The following SUCLG2 variants were observed in gnomAD, a reference collection of about 807,000 sequenced individuals.
The protein encoded by SUCLG2 is succinate-CoA ligase GDP-forming subunit beta.
Under a neutral mutation model 47.9 loss-of-function variants are expected in SUCLG2, and 42 were observed. The ratio of observed to expected loss-of-function variants is 0.88; its 90% CI spans 0.69 to 1.14. SUCLG2 has a LOEUF of 1.14. Ranked by LOEUF, SUCLG2 falls within the 50% of genes most tolerant of loss-of-function variation. The pLI, the probability that SUCLG2 is intolerant of heterozygous loss-of-function variation, is 0.00. For synonymous variants in SUCLG2, 195 were observed against 197.3 expected, an observed-to-expected ratio of 0.99 and a Z score of 0.10; for missense variants, 571 against 525.9, an observed-to-expected ratio of 1.09 and a Z score of -0.84.
intron 2 of SUCLG2, among the ~76,000 whole-genome samples, chr3:67,601,798 A>G (rs990506481): frequency 2.0e-5 from 3 of 152,130 alleles, no homozygotes; most frequent in African/African-American, 7.2e-5. Context: ...CCTGGCCAAC[A>G]TGGCGAAACC....
At chr3:67,365,730 A>G (rs975286719) in intron 10 of SUCLG2, among the ~76,000 whole-genome samples, 1 of 152,232 alleles carries the variant, frequency 6.6e-6, no homozygotes, top group Non-Finnish European at 1.5e-5. Context: ...CTTACTGAGT[A>G]TGCAGGCAGT....
chr3:67,508,179 T>C (rs941355100), intron 7 of SUCLG2, among the ~76,000 whole-genome samples: 1 of 151,966 alleles, frequency 6.6e-6, no homozygotes, highest in Non-Finnish European at 1.5e-5. Flanking sequence ...AGAGTTCAAC[T>C]GGGGGGGACT....
At chr3:67,394,125 C>A (rs1270920885) in intron 10 of SUCLG2, among the ~76,000 whole-genome samples, 1 of 152,132 alleles carries the variant, frequency 6.6e-6, no homozygotes, top group Admixed American at 6.5e-5. Flanking sequence ...CTCTCCTCCT[C>A]CAAAGGAATG....
At chr3:67,440,565 G>A (rs538327350) in intron 9 of SUCLG2, among the ~76,000 whole-genome samples, 2 of 152,220 alleles carry the variant, frequency 1.3e-5, no homozygotes, top group East Asian at 1.9e-4. Context: ...AAAAGTGGGT[G>A]AAGGATATGA....
intron 10 of SUCLG2, among the ~76,000 whole-genome samples, chr3:67,398,564 C>G (rs1702606227): frequency 6.6e-6 from 1 of 151,906 alleles, no homozygotes; most frequent in African/African-American, 2.4e-5. Context: ...CACTTTTACA[C>G]TGTTGGTGGG....
At chr3:67,397,004 G>A (rs939993964) in intron 10 of SUCLG2, among the ~76,000 whole-genome samples, 8 of 151,512 alleles carry the variant, frequency 5.3e-5, no homozygotes, top group African/African-American at 1.5e-4. Flanking sequence ...AATAAATTAG[G>A]TATTGATGGG....
At chr3:67,498,029 A>T in intron 8 of SUCLG2, 105 bp downstream of exon 8, 1 of 1,251,138 alleles carries the variant, frequency 8.0e-7, no homozygotes, top group South Asian at 1.6e-5. Context: ...GCTACAAAAA[A>T]ACTTATGTGC....
chr3:67,578,632 C>A lies in SUCLG2; in HGVS notation c.226+30823G>T, dbSNP rs1214582025. ...ACCACGGCTGAACCGGAGATCACAG[C>A]TTTCCGGAAGCTTGGTTATGGGAGA... On this transcript the variant is annotated intron_variant, in intron 2 of 10. Transcript: ENST00000307227. 2.0e-5 allele frequency among the ~76,000 whole-genome samples: 3 copies of A among 152,094 alleles called. No homozygotes were observed. In the East Asian group the frequency reaches 5.8e-4, roughly 29 times the overall value.
chr3:67,563,265 T>C (rs1707355457), intron 2 of SUCLG2, among the ~76,000 whole-genome samples: 1 of 152,146 alleles, frequency 6.6e-6, no homozygotes, highest in Non-Finnish European at 1.5e-5. Flanking sequence ...CTAACTGCTG[T>C]GAACAGTGAA....
chr3:67,404,049 C>T (rs1190612232), intron 9 of SUCLG2, among the ~76,000 whole-genome samples: 2 of 152,150 alleles, frequency 1.3e-5, no homozygotes, highest in Non-Finnish European at 2.9e-5. Context: ...CCACACCTGA[C>T]TAGTTTTTGC....
At chr3:67,488,537 A>C (rs1205627135) in intron 9 of SUCLG2, among the ~76,000 whole-genome samples, 5 of 152,182 alleles carry the variant, frequency 3.3e-5, no homozygotes, top group African/African-American at 1.2e-4. Context: ...CCCACATCTA[A>C]TGATGCCTTT....
At chr3:67,538,736 G>C (rs1706616546) in intron 2 of SUCLG2, among the ~76,000 whole-genome samples, 1 of 152,124 alleles carries the variant, frequency 6.6e-6, no homozygotes, top group Admixed American at 6.5e-5. Context: ...TTATTTCCTT[G>C]AGCAGTGGTT....
chr3:67,383,609 G>A (rs113831925), intron 10 of SUCLG2, among the ~76,000 whole-genome samples: 5,873 of 152,184 alleles, frequency 0.039, 365 homozygotes, highest in African/African-American at 0.13. Context: ...TCCAGTGGCA[G>A]GAAGCCAATG....
intron 2 of SUCLG2, among the ~76,000 whole-genome samples, chr3:67,537,456 A>T (rs548165211): frequency 6.6e-6 from 1 of 152,228 alleles, no homozygotes; most frequent in Admixed American, 6.5e-5. Flanking sequence ...CATTTTCTTT[A>T]TTCAGCCTAT....
chr3:67,587,990 T>C (rs1042712712), intron 2 of SUCLG2, among the ~76,000 whole-genome samples: 6 of 152,168 alleles, frequency 3.9e-5, no homozygotes, highest in African/African-American at 1.2e-4. Context: ...TCAAATCCCA[T>C]AAAAACAGAT....
chr3:67,368,062 T>C (rs1443838861), intron 10 of SUCLG2, among the ~76,000 whole-genome samples: 2 of 152,236 alleles, frequency 1.3e-5, no homozygotes, highest in Non-Finnish European at 2.9e-5. Flanking sequence ...TACTTTTAGA[T>C]ATTGAAGTTA....
intron 2 of SUCLG2, among the ~76,000 whole-genome samples, chr3:67,577,970 G>A (rs7643394): frequency 0.24 from 36,756 of 151,974 alleles, 5,428 homozygotes; most frequent in East Asian, 0.42. Context: ...ATTTCAAAAA[G>A]CATCATCAGT....
chr3:67,509,833 C>A (rs1301067950), intron 6 of SUCLG2, among the ~76,000 whole-genome samples: 1 of 152,200 alleles, frequency 6.6e-6, no homozygotes, highest in Non-Finnish European at 1.5e-5. Flanking sequence ...TGCAGCAGAT[C>A]CGTTTTCAGT....
At chr3:67,639,361 G>A (rs1003180287) in intron 1 of SUCLG2, among the ~76,000 whole-genome samples, 3 of 152,060 alleles carry the variant, frequency 2.0e-5, no homozygotes, top group African/African-American at 4.8e-5. Flanking sequence ...TACCCTAGAT[G>A]AGGCACCGAA....
Sources: allele counts gnomAD v4.1 joint callset (sites outside exome capture counted in the v4.1 genomes callset), GRCh38; gene constraint gnomAD v4.1.1; transcripts MANE v1.5; gene names NCBI Gene and HGNC (gene_info 2026-07-23, HGNC 2026-07-21).